The following FRMD6 variants were observed in gnomAD, a reference collection of about 807,000 sequenced individuals.
The protein encoded by FRMD6 is FERM domain containing 6.
Under a neutral mutation model 73.2 loss-of-function variants are expected in FRMD6, and 37 were observed. That is an observed-to-expected ratio of 0.51 (90% confidence interval 0.39 to 0.66). The LOEUF (loss-of-function observed/expected upper bound fraction) is 0.66, where lower values mean the gene tolerates loss of function less well. Ranked by LOEUF, FRMD6 falls within the 30% of genes least tolerant of loss-of-function variation. The pLI, the probability that FRMD6 is intolerant of heterozygous loss-of-function variation, is 0.00. For missense variants in FRMD6, 714 were observed against 780.5 expected (o/e 0.91, Z 1.02); for synonymous variants, 273 against 282.2 (o/e 0.97, Z 0.33).
upstream of FRMD6, chr14:51,650,490 G>C (rs866040068): frequency 6.8e-6 from 1 of 148,076 alleles, no homozygotes; most frequent in Non-Finnish European, 1.5e-5. Context: ...CCGCCTCCCG[G>C]GTTCACGCCA....
At chr14:51,604,909 C>G (rs925340153) in intron 2 of FRMD6, among the ~76,000 whole-genome samples, 32 of 152,154 alleles carry the variant, frequency 2.1e-4, no homozygotes, top group African/African-American at 7.2e-4. Context: ...ACTGCTTACT[C>G]TTAATACTGG....
At chr14:51,427,126 C>G in the FRMD6 span, among the ~76,000 whole-genome samples, 1 of 152,082 alleles carries the variant, frequency 6.6e-6, no homozygotes, top group Non-Finnish European at 1.5e-5. Context: ...TTCCTTGAGG[C>G]TCAGGACCTT....
intron 1 of FRMD6, among the ~76,000 whole-genome samples, chr14:51,555,674 T>C (rs1010612252): frequency 6.6e-6 from 1 of 151,938 alleles, no homozygotes; most frequent in Admixed American, 6.6e-5. Flanking sequence ...TGGTGGCATA[T>C]GTCTGTAATC....
chr14:51,660,091 G>C (rs1480980139), intron 1 of FRMD6, among the ~76,000 whole-genome samples: 1 of 152,166 alleles, frequency 6.6e-6, no homozygotes, highest in African/African-American at 2.4e-5. Context: ...CCAGTTCCCC[G>C]TTTTGATTGT....
intron 6 of FRMD6, among the ~76,000 whole-genome samples, chr14:51,707,744 C>A (rs1041031562): frequency 1.3e-5 from 2 of 152,026 alleles, no homozygotes; most frequent in African/African-American, 4.8e-5. Context: ...TATAAACTTG[C>A]AAGTATAAAC....
intron 1 of FRMD6, among the ~76,000 whole-genome samples, chr14:51,537,552 G>A (rs1885965701): frequency 6.6e-6 from 1 of 152,192 alleles, no homozygotes. Flanking sequence ...TATGATAAGA[G>A]TGTTGTAAGT....
intron 1 of FRMD6, among the ~76,000 whole-genome samples, chr14:51,652,967 G>T (rs1170212905): frequency 7.2e-5 from 11 of 152,222 alleles, no homozygotes; most frequent in Non-Finnish European, 1.2e-4. Context: ...TTTTCAGGCC[G>T]TGTAGTTGTG....
At chr14:51,631,109 T>TA (rs751398474) in intron 2 of FRMD6, among the ~76,000 whole-genome samples, 6 of 152,152 alleles carry the variant, frequency 3.9e-5, no homozygotes, top group Non-Finnish European at 7.3e-5. Context: ...ACAGTTTTGC[T>TA]ACCCAAGGTG....
chr14:51,424,095 A>G, the FRMD6 span, among the ~76,000 whole-genome samples: 6 of 152,364 alleles, frequency 3.9e-5, no homozygotes, highest in East Asian at 1.2e-3. Flanking sequence ...CTCAAACTGC[A>G]TAGTGATCAT....
intron 1 of FRMD6, among the ~76,000 whole-genome samples, chr14:51,506,073 C>T (rs1883945524): frequency 6.6e-6 from 1 of 152,178 alleles, no homozygotes; most frequent in Non-Finnish European, 1.5e-5. Context: ...AGCCTGTCTC[C>T]ATCTAGCCAC....
chr14:51,589,007 A>C (rs1449356979), intron 2 of FRMD6, among the ~76,000 whole-genome samples: 1 of 152,324 alleles, frequency 6.6e-6, no homozygotes, highest in East Asian at 1.9e-4. Flanking sequence ...TTAAACACCC[A>C]TGGGAACATG....
At chr14:51,584,668 C>T (rs765104952) in intron 2 of FRMD6, among the ~76,000 whole-genome samples, 7 of 152,036 alleles carry the variant, frequency 4.6e-5, no homozygotes, top group Non-Finnish European at 1.0e-4. Context: ...TCCTTGTCAA[C>T]CCTGAGATGA....
intron 2 of FRMD6, among the ~76,000 whole-genome samples, chr14:51,695,459 A>G (rs1185703230): frequency 6.6e-6 from 1 of 152,174 alleles, no homozygotes; most frequent in East Asian, 1.9e-4. Context: ...GAGAATGATA[A>G]TGATTCCCCA....
intron 2 of FRMD6, among the ~76,000 whole-genome samples, chr14:51,616,509 T>C (rs962278230): frequency 2.0e-5 from 3 of 152,122 alleles, no homozygotes; most frequent in African/African-American, 7.2e-5. Flanking sequence ...ATCAGGTGAA[T>C]CATAAATGTC....
chr14:51,467,292 A>G, the FRMD6 span, among the ~76,000 whole-genome samples: 1 of 152,262 alleles, frequency 6.6e-6, no homozygotes, highest in Non-Finnish European at 1.5e-5. Context: ...GGGCAAGGCC[A>G]TAGATTAACA....
chr14:51,470,605 G>T, the FRMD6 span, among the ~76,000 whole-genome samples: 5 of 151,672 alleles, frequency 3.3e-5, no homozygotes, highest in African/African-American at 1.2e-4. Flanking sequence ...TATCTTTTTT[G>T]CTCTTATTTT....
intron 1 of FRMD6, among the ~76,000 whole-genome samples, chr14:51,505,246 CT>C (rs1286179795): frequency 1.3e-5 from 2 of 152,200 alleles, no homozygotes; most frequent in South Asian, 2.1e-4. Flanking sequence ...TATTTTTAAA[CT>C]TTTTTTAGAG....
At chr14:51,454,715 G>A in the FRMD6 span, 22 of 152,148 alleles carry the variant, frequency 1.4e-4, no homozygotes, top group African/African-American at 5.3e-4. Flanking sequence ...AGCAGTTACA[G>A]CTCTTACTCC....
chr14:51,527,944 C>T (rs991052751), intron 1 of FRMD6, among the ~76,000 whole-genome samples: 1 of 152,134 alleles, frequency 6.6e-6, no homozygotes, highest in African/African-American at 2.4e-5. Context: ...AGTTTGAGAG[C>T]AACCTGGGCA....
Sources: gnomAD v4.1 joint callset for allele counts (sites outside exome capture counted in the v4.1 genomes callset) on GRCh38, gnomAD v4.1.1 for gene constraint, MANE v1.5 for transcripts, NCBI Gene and HGNC (gene_info 2026-07-23, HGNC 2026-07-21) for gene names.